Variants in DLEU7 observed in about 807,000 individuals in gnomAD.
The protein encoded by DLEU7 is leukemia-associated protein 7.
Under a neutral mutation model 16.0 loss-of-function variants are expected in DLEU7, and 17 were observed. That is an observed-to-expected ratio of 1.06 (90% confidence interval 0.73 to 1.59). The LOEUF (loss-of-function observed/expected upper bound fraction) is 1.59, where lower values mean the gene tolerates loss of function less well. Among genes scored for constraint, DLEU7 ranks in the 40% most tolerant of loss-of-function variants. DLEU7 has a pLI of 0.00. For missense variants in DLEU7, 308 were observed against 314.9 expected, an observed-to-expected ratio of 0.98 and a Z score of 0.17; for synonymous variants, 113 against 139.8, an observed-to-expected ratio of 0.81 and a Z score of 1.35.
At chr13:50,735,720 A>G (rs1444112070) in intron 1 of DLEU7, among the ~76,000 whole-genome samples, 2 of 152,224 alleles carry the variant, frequency 1.3e-5, no homozygotes, top group Admixed American at 6.5e-5. Flanking sequence ...ACTTTTCAAA[A>G]TAAGACATCC....
chr13:50,755,495 C>G (rs1874727158), intron 1 of DLEU7, among the ~76,000 whole-genome samples: 1 of 152,050 alleles, frequency 6.6e-6, no homozygotes, highest in Admixed American at 6.5e-5. Context: ...TGAGACTTTC[C>G]AGAACATTTT....
intron 1 of DLEU7, among the ~76,000 whole-genome samples, chr13:50,750,953 C>T (rs1874545256): frequency 6.6e-6 from 1 of 152,158 alleles, no homozygotes; most frequent in Non-Finnish European, 1.5e-5. Context: ...ATTGCTCTGG[C>T]TAGGACTTTC....
intron 1 of DLEU7, among the ~76,000 whole-genome samples, chr13:50,792,579 C>G (rs572387): frequency 0.059 from 8,930 of 152,160 alleles, 352 homozygotes; most frequent in East Asian, 0.22. Flanking sequence ...TCTACTATCT[C>G]TTCTTCTCTA....
At chr13:50,735,539 T>G (rs1178634859) in intron 1 of DLEU7, among the ~76,000 whole-genome samples, 1 of 151,986 alleles carries the variant, frequency 6.6e-6, no homozygotes, top group East Asian at 1.9e-4. Flanking sequence ...AATATTATAA[T>G]TATGTCTCAG....
intron 1 of DLEU7, among the ~76,000 whole-genome samples, chr13:50,804,616 A>T (rs899735078): frequency 5.9e-5 from 9 of 151,660 alleles, no homozygotes; most frequent in African/African-American, 1.9e-4. Context: ...GCTATTTTTT[A>T]AAAATTTTTA....
At chr13:50,751,723 G>A (rs901301658) in intron 1 of DLEU7, among the ~76,000 whole-genome samples, 1 of 152,146 alleles carries the variant, frequency 6.6e-6, no homozygotes, top group Non-Finnish European at 1.5e-5. Context: ...TATGCATAAA[G>A]GTGTTCATAG....
intron 1 of DLEU7, among the ~76,000 whole-genome samples, chr13:50,735,804 A>T (rs1263117468): frequency 1.3e-5 from 2 of 152,142 alleles, no homozygotes; most frequent in Non-Finnish European, 1.5e-5. Flanking sequence ...AACTACAATG[A>T]ATACCGCCTC....
At chr13:50,722,003 G>A (rs2761846) in intron 1 of DLEU7, among the ~76,000 whole-genome samples, 12,422 of 152,104 alleles carry the variant, frequency 0.082, 565 homozygotes, top group East Asian at 0.15. Flanking sequence ...TTTCTGCAAA[G>A]GCCCATTTAC....
upstream of DLEU7, chr13:50,843,796 C>A: frequency 8.9e-7 from 1 of 1,122,806 alleles, no homozygotes; most frequent in Non-Finnish European, 1.2e-6. This position sits in a 1 kb window ranked among gnomAD's most constrained non-coding sequence, Gnocchi z 5.7. Context: ...CCGCCCCCGG[C>A]TCTGAATCGG....
intron 1 of DLEU7, among the ~76,000 whole-genome samples, chr13:50,764,123 G>A (rs543970775): frequency 1.4e-4 from 21 of 152,110 alleles, no homozygotes; most frequent in East Asian, 9.6e-4. Flanking sequence ...CAGCACTGTC[G>A]CGCTCTGTGA....
At chr13:50,835,177 G>C (rs1170543291) in intron 1 of DLEU7, among the ~76,000 whole-genome samples, 1 of 152,104 alleles carries the variant, frequency 6.6e-6, no homozygotes, top group Non-Finnish European at 1.5e-5. Context: ...AGAACTTAAA[G>C]TATAATAAAA....
At chr13:50,820,176 A>C (rs576740707), downstream of DLEU7, among the ~76,000 whole-genome samples, 1 of 152,246 alleles carries the variant, frequency 6.6e-6, no homozygotes, top group South Asian at 2.1e-4. Flanking sequence ...TTGACAAGAG[A>C]AGTTTTGATG....
At chr13:50,760,520 T>C (rs586568) in intron 1 of DLEU7, among the ~76,000 whole-genome samples, 71,403 of 151,946 alleles carry the variant, frequency 0.47, 17,748 homozygotes, top group African/African-American at 0.62. Context: ...TGCCACCAGG[T>C]CTGGCTAACT....
intron 1 of DLEU7, among the ~76,000 whole-genome samples, chr13:50,790,169 G>A (rs990895325): frequency 1.3e-5 from 2 of 152,006 alleles, no homozygotes; most frequent in Admixed American, 6.5e-5. Flanking sequence ...CTGGCCTCAA[G>A]TGATCCACCC....
intron 1 of DLEU7, among the ~76,000 whole-genome samples, chr13:50,715,265 C>T (rs1873409551): frequency 1.3e-5 from 2 of 152,174 alleles, no homozygotes; most frequent in Non-Finnish European, 2.9e-5. Flanking sequence ...TGAGCCTACC[C>T]GATAATCCAG....
chr13:50,803,220 T>C (rs1215064285), intron 1 of DLEU7, among the ~76,000 whole-genome samples: 2 of 152,180 alleles, frequency 1.3e-5, no homozygotes, highest in Non-Finnish European at 2.9e-5. Flanking sequence ...ATTTATACTT[T>C]AACCATCAGT....
chr13:50,722,008 A>G (rs762464709), intron 1 of DLEU7, among the ~76,000 whole-genome samples: 1 of 152,180 alleles, frequency 6.6e-6, no homozygotes, highest in African/African-American at 2.4e-5. Context: ...GCAAAGGCCC[A>G]TTTACATTTC....
In DLEU7 at chr13:50,746,026, C is replaced by A. The variant is rs73492079; in HGVS notation, c.460-32786G>T. ...AATGCCTAATAACTGTGTTCTAGACCAAGGCCATAGACAGCTGTGCTCCAT... is the reference window on the plus strand; with the variant it reads ...AATGCCTAATAACTGTGTTCTAGACAAAGGCCATAGACAGCTGTGCTCCAT... On this transcript the variant is annotated intron_variant, in intron 1 of 1. Transcript: ENST00000400393. Among the ~76,000 whole-genome samples, 361 of 152,182 alleles carry A rather than the reference C, an allele frequency of 2.4e-3. 1 individual carries two copies. The highest frequency in any genetic ancestry group is 8.3e-3 in the African/African-American group (343 of 41,514).
chr13:50,720,951 T>G (rs1244655130), intron 1 of DLEU7, among the ~76,000 whole-genome samples: 1 of 152,156 alleles, frequency 6.6e-6, no homozygotes, highest in Non-Finnish European at 1.5e-5. Flanking sequence ...GTCAACTTGA[T>G]TGGATTGAAG....
Sources: allele counts gnomAD v4.1 joint callset (sites outside exome capture counted in the v4.1 genomes callset), GRCh38; gene constraint gnomAD v4.1.1; non-coding constraint Gnocchi (gnomAD v3.1); transcripts MANE v1.5; gene names NCBI Gene and HGNC (gene_info 2026-07-23, HGNC 2026-07-21).